CCNQ: variants seen among roughly 807,000 people sequenced by gnomAD.
CCNQ encodes cyclin-Q.
In CCNQ, 3 loss-of-function variants were observed where a neutral mutation model predicts 17.7. The ratio of observed to expected loss-of-function variants is 0.17; its 90% CI spans 0.08 to 0.44. CCNQ has a LOEUF of 0.44. Ranked by LOEUF, CCNQ falls within the 20% of genes least tolerant of loss-of-function variation. The pLI is 0.99. For synonymous variants in CCNQ, 73 were observed against 96.0 expected (o/e 0.76, Z 1.40); for missense variants, 146 against 222.6 (o/e 0.66, Z 2.19).
intron 3 of CCNQ, among the ~76,000 whole-genome samples, chrX:153,593,980 G>A (rs1216797477): frequency 1.8e-5 from 2 of 113,047 alleles, no homozygotes; most frequent in African/African-American, 3.2e-5. Context: ...ATGGAGCTGC[G>A]GTGCCCAGAG....
In CCNQ at chrX:153,595,991, C is replaced by G. The variant is rs373345815; in HGVS notation, c.296+13G>C. The G allele has an allele frequency of 5.0e-6, 6 of 1,210,448 alleles. No individual in the cohort carries two copies. The African/African-American group carries it at 1.0e-4, about 21-fold the overall frequency. On this transcript the variant is annotated intron_variant, in intron 2 of 4. Coordinates refer to ENST00000576892, the MANE Select transcript of CCNQ (RefSeq NM_152274.5). Reference sequence around the variant, plus strand: ...ACCGGGTGGAGATCAGGAGCCCAGCCAAATGCCATTACCTGTTGGACACAT... The same window carrying G: ...ACCGGGTGGAGATCAGGAGCCCAGCGAAATGCCATTACCTGTTGGACACAT...
intron 2 of CCNQ, among the ~76,000 whole-genome samples, chrX:153,595,162 G>T (rs1476566469): frequency 8.8e-6 from 1 of 113,268 alleles, no homozygotes; most frequent in Non-Finnish European, 1.9e-5. Context: ...CTGCCTTTCA[G>T]GCTGGAGTAC....
chrX:153,588,283 A>G lies in CCNQ; in HGVS notation c.*82T>C. On this transcript the variant is annotated 3_prime_UTR_variant, in exon 5 of 5. Transcript: ENST00000576892. ...CCTCCCAGCTGGTCCTGTGGGGACC[A>G]GCCGTCATGGCGACGTGGTGACAAT... 3.7e-6 allele frequency: 3 copies of G among 808,037 alleles called. No homozygotes were observed. Among genetic ancestry groups the G allele is most frequent in the Non-Finnish European group, 5.7e-6 (3 of 526,894 alleles). 66.6% of individuals were successfully genotyped at this position (808,037 alleles called of 1,213,427 possible).
intron 3 of CCNQ, 128 bp downstream of exon 3, chrX:153,594,419 T>C (rs1191617329): frequency 1.1e-6 from 1 of 925,892 alleles, no homozygotes; most frequent in Non-Finnish European, 1.6e-6. Context: ...GAGACCCAGT[T>C]CCCAGCCGCA....
At chrX:153,595,149 G>T (rs994402892) in intron 2 of CCNQ, among the ~76,000 whole-genome samples, 27 of 113,294 alleles carry the variant, frequency 2.4e-4, no homozygotes, top group African/African-American at 7.0e-4. Flanking sequence ...ACAGGGTCTT[G>T]CTCTGCCTTT....
chrX:153,588,770 G>A (rs782096161), intron 4 of CCNQ, among the ~76,000 whole-genome samples: 220 of 112,754 alleles, frequency 2.0e-3, no homozygotes, highest in Middle Eastern at 9.2e-3. Flanking sequence ...CCTCCTGCCC[G>A]GGACTCCCTC....
intron 1 of CCNQ, 86 bp downstream of exon 1, chrX:153,598,876 T>C: frequency 1.4e-6 from 1 of 720,114 alleles, no homozygotes; most frequent in Non-Finnish European, 1.8e-6. Flanking sequence ...CGGTGAGCAC[T>C]CCAGAAGGCC....
chrX:153,589,899 C>A (rs951311405), intron 4 of CCNQ, among the ~76,000 whole-genome samples: 20 of 111,348 alleles, frequency 1.8e-4, no homozygotes, highest in African/African-American at 6.5e-4. Context: ...GACCTGTGTG[C>A]TCCTGGAGAC....
At chrX:153,598,906 G>T in intron 1 of CCNQ, 56 bp downstream of exon 1, 1 of 927,652 alleles carries the variant, frequency 1.1e-6, no homozygotes, top group South Asian at 2.4e-5. Context: ...AGCCGGGCCC[G>T]CTCCGCGAAG....
intron 4 of CCNQ, among the ~76,000 whole-genome samples, chrX:153,591,417 T>C (rs6655260): frequency 0.07 from 7,816 of 111,996 alleles, 258 homozygotes; most frequent in South Asian, 0.17. Context: ...TTCCTGGCTG[T>C]GCAGGGTTAC....
rs2091027302 is a variant in CCNQ at position 153,596,174 on chromosome X, C to T, written c.126G>A (p.Gly42=). The T allele has an allele frequency of 8.2e-7, 1 of 1,212,129 alleles. No homozygotes were observed. Residue 42 remains glycine (G), a synonymous_variant, in exon 2 of 5, where the codon GGG becomes GGA. Coordinates refer to ENST00000576892, the MANE Select transcript of CCNQ (RefSeq NM_152274.5). ...CAGTGGCAATGGGAATGGACCGCAT[C>T]CCTAGCTTGACACCTGCGGAGAGAA... The part of the protein sequence containing the change: ...RFIMEAGVKL[G]MRSIPIATAC...
intron 1 of CCNQ, among the ~76,000 whole-genome samples, chrX:153,598,309 G>T (rs1254751317): frequency 9.0e-6 from 1 of 111,323 alleles, no homozygotes; most frequent in Non-Finnish European, 1.9e-5. Flanking sequence ...CCAGCTACTC[G>T]GAAGCGTGAG....
chrX:153,593,773 T>C (rs966556344), intron 3 of CCNQ, among the ~76,000 whole-genome samples: 53 of 112,449 alleles, frequency 4.7e-4, no homozygotes, highest in African/African-American at 1.4e-3. Flanking sequence ...AGGATGCCAG[T>C]GGACTGTGTT....
At chrX:153,594,524 G>A in intron 3 of CCNQ, 23 bp downstream of exon 3, 1 of 1,209,509 alleles carries the variant, frequency 8.3e-7, no homozygotes, top group Non-Finnish European at 1.1e-6. Flanking sequence ...TCTCCAAACA[G>A]GCACCAGTTC....
intron 1 of CCNQ, among the ~76,000 whole-genome samples, chrX:153,596,772 C>G (rs2091031479): frequency 8.9e-6 from 1 of 112,344 alleles, no homozygotes; most frequent in Admixed American, 9.4e-5. Context: ...AGAGTAACCA[C>G]TTGCATTGCA....
chrX:153,593,250 C>A (rs2091004564), intron 3 of CCNQ, among the ~76,000 whole-genome samples: 1 of 112,704 alleles, frequency 8.9e-6, no homozygotes, highest in Non-Finnish European at 1.9e-5. Flanking sequence ...CAGAACCTCA[C>A]ACAATAAGAC....
Position 153,596,952 on chromosome X carries a change from A to G in CCNQ, c.113-765T>C, listed in dbSNP as rs782423359. Among the ~76,000 whole-genome samples, 9 of 112,346 alleles carry G rather than the reference A, an allele frequency of 8.0e-5. No individual in the cohort carries two copies. In the Admixed American group the frequency reaches 8.4e-4, roughly 11 times the overall value. On this transcript the variant is annotated intron_variant, in intron 1 of 4. Transcript: ENST00000576892. Reference sequence around the variant, plus strand: ...CGAGACCAGCCTAGGCAACAGAGTGAGACCCTGTCTCTACAAAAAAGAGAA... The same window carrying G: ...CGAGACCAGCCTAGGCAACAGAGTGGGACCCTGTCTCTACAAAAAAGAGAA...
intron 4 of CCNQ, among the ~76,000 whole-genome samples, chrX:153,589,305 G>A (rs2090975024): frequency 8.9e-6 from 1 of 112,845 alleles, no homozygotes; most frequent in Admixed American, 9.3e-5. Flanking sequence ...TGAGCTTCCC[G>A]GTTGTGACTC....
intron 1 of CCNQ, chrX:153,597,645 T>C (rs926426727): frequency 8.9e-6 from 1 of 112,300 alleles, no homozygotes; most frequent in African/African-American, 3.2e-5. Flanking sequence ...CTATATAAGA[T>C]GACATTCACA....
Sources: gnomAD v4.1 joint callset for allele counts (sites outside exome capture counted in the v4.1 genomes callset) on GRCh38, gnomAD v4.1.1 for gene constraint, MANE v1.5 for transcripts, NCBI Gene and HGNC (gene_info 2026-07-23, HGNC 2026-07-21) for gene names.